The following FAM193A variants were observed in gnomAD, a reference collection of about 807,000 sequenced individuals.
The protein encoded by FAM193A is protein FAM193A.
In FAM193A, 22 loss-of-function variants were observed where a neutral mutation model predicts 126.5. The ratio of observed to expected loss-of-function variants is 0.17; its 90% confidence interval spans 0.12 to 0.25. The LOEUF is 0.25. Among genes scored for constraint, FAM193A ranks in the 10% least tolerant of loss-of-function variants. The pLI, the probability that FAM193A is intolerant of heterozygous loss-of-function variation, is 1.00. For synonymous variants in FAM193A, 761 were observed against 646.8 expected (o/e 1.18, Z -2.68); for missense variants, 1,675 against 1,672.8 (o/e 1.00, Z -0.02).
chr4:2,689,682 T>C lies in FAM193A; in HGVS notation c.2508T>C (p.Thr836=). The C allele has an allele frequency of 3.8e-6, 6 of 1,571,068 alleles. No individual in the cohort carries two copies. The African/African-American group carries it at 8.3e-5, about 22-fold the overall frequency. Reference sequence around the variant, plus strand: ...ATGATAAGAACTGGAATCCTGGCACTTTCTTGCCAGATACAATTTCTGGTA... The same window carrying C: ...ATGATAAGAACTGGAATCCTGGCACCTTCTTGCCAGATACAATTTCTGGTA... The part of the protein sequence containing the change: ...VMNDKNWNPG[T]FLPDTISGSE... Residue 836 remains threonine, a synonymous_variant, in exon 14 of 21, where the codon ACT becomes ACC. Transcript: ENST00000637812.
intron 4 of FAM193A, among the ~76,000 whole-genome samples, chr4:2,627,961 C>G (rs1387710504): frequency 1.3e-5 from 2 of 152,066 alleles, no homozygotes; most frequent in East Asian, 1.9e-4. Context: ...CCAGGATGGT[C>G]TTGATCTCCT....
At chr4:2,682,047 C>T (rs59080809) in intron 13 of FAM193A, among the ~76,000 whole-genome samples, 3,490 of 138,838 alleles carry the variant, frequency 0.025, 152 homozygotes, top group African/African-American at 0.089. Flanking sequence ...TGCAGTGATG[C>T]GATCTCGGCT....
intron 13 of FAM193A, among the ~76,000 whole-genome samples, chr4:2,674,251 G>A (rs542669836): frequency 2.2e-4 from 34 of 152,186 alleles, no homozygotes; most frequent in Non-Finnish European, 3.8e-4. Flanking sequence ...GGTCTTACAA[G>A]ATTAGTTTGT....
Position 2,679,375 on chromosome 4 carries a change from C to CTTTCT in FAM193A, c.2331+7006_2331+7007insCTTTT, listed in dbSNP as rs1233397336. ...GCGATACTCGTTTGTAGTTTTCTTT[C>CTTTCT]TTTTTTTTTTTTTTTTTTTTTTTTG... On this transcript the variant is annotated intron_variant, in intron 13 of 20. Coordinates refer to ENST00000637812, the MANE Select transcript of FAM193A (RefSeq NM_001366318.2). 5.0e-3 allele frequency among the ~76,000 whole-genome samples: 438 copies of CTTTCT among 87,906 alleles called. 5 individuals carry two copies. The highest frequency in any genetic ancestry group is 0.016 in the African/African-American group (415 of 25,610). 57.7% of individuals were successfully genotyped at this position (87,906 alleles called of 152,430 possible). A position where few individuals can be genotyped will look rare whatever the true frequency, so the allele number is the denominator to read the frequency against.
rs747638566 is a variant in FAM193A at position 2,693,716 on chromosome 4, A to C, written c.2934A>C (p.Ser978=). 1 of 1,613,914 alleles carries C rather than the reference A, an allele frequency of 6.2e-7. No homozygotes were observed. The highest frequency in any genetic ancestry group is 1.1e-5 in the South Asian group (1 of 91,068). The stretch of plus-strand genomic sequence containing the variant: ...CTGCGCTGTCACCTGCTGCGCTCTC[A>C]CCTGCCTCCACACCTCACCTTGCAA... ...SPAALSPAAL[S]PASTPHLANL... is the part of the protein sequence containing the mutation. Residue 978 remains serine, a synonymous_variant, in exon 16 of 21, where the codon TCA becomes TCC. Transcript: ENST00000637812.
At chr4:2,687,172 G>C (rs139419943) in intron 13 of FAM193A, among the ~76,000 whole-genome samples, 1 of 152,190 alleles carries the variant, frequency 6.6e-6, no homozygotes, top group African/African-American at 2.4e-5. Flanking sequence ...TCTCTGCTCC[G>C]AAGCACTGTG....
At position 2,700,323 on chromosome 4, in the gene FAM193A, C is replaced by A; in HGVS notation, c.4151C>A (p.Thr1384Lys). Residue 1384 changes from threonine to lysine, a missense_variant, in exon 19 of 21, where the codon ACA (threonine) becomes AAA (lysine). Thr to Lys is a moderately conservative substitution (Grantham distance 78). Transcript: ENST00000637812. ...KAKVVDLMSI[T>K]EQKREERKVN... ...AAGGTGGTCGACCTCATGTCCATCA[C>A]AGAGCAGAAAAGAGAGGAGAGAAAA... 6.2e-7 allele frequency: 1 copy of A among 1,614,018 alleles called. No individual in the cohort carries two copies. Among genetic ancestry groups the A allele is most frequent in the Non-Finnish European group, 8.5e-7 (1 of 1,180,010 alleles).
At chr4:2,595,675 A>G (rs2108906933) in intron 1 of FAM193A, among the ~76,000 whole-genome samples, 1 of 152,336 alleles carries the variant, frequency 6.6e-6, no homozygotes. Flanking sequence ...TTGCATCTGC[A>G]GACACACTTA....
At chr4:2,579,310 C>T (rs562342284) in intron 1 of FAM193A, among the ~76,000 whole-genome samples, 20 of 152,056 alleles carry the variant, frequency 1.3e-4, no homozygotes, top group African/African-American at 3.9e-4. Flanking sequence ...GCCTGGCCAA[C>T]ATGGTGAAAC....
chr4:2,550,427 C>G (rs552491972), intron 1 of FAM193A, among the ~76,000 whole-genome samples: 160 of 151,652 alleles, frequency 1.1e-3, no homozygotes, highest in Non-Finnish European at 2.0e-3. Context: ...CCCTCTTGGT[C>G]GTTTGTTTGT....
At chr4:2,720,617 C>T (rs540521328) in intron 20 of FAM193A, among the ~76,000 whole-genome samples, 43 of 150,296 alleles carry the variant, frequency 2.9e-4, no homozygotes, top group African/African-American at 1.0e-3. Context: ...CACCACTGTG[C>T]TCCAGCTTGG....
At chr4:2,579,275 A>C (rs980212169) in intron 1 of FAM193A, among the ~76,000 whole-genome samples, 1 of 152,006 alleles carries the variant, frequency 6.6e-6, no homozygotes, top group Non-Finnish European at 1.5e-5. Flanking sequence ...AGGGTGGATC[A>C]CTTGAGGTCA....
chr4:2,725,475 AAG>A (rs1720632647), intron 20 of FAM193A, among the ~76,000 whole-genome samples: 1 of 149,470 alleles, frequency 6.7e-6, no homozygotes, highest in South Asian at 2.1e-4. Flanking sequence ...AAAAAAAAAA[AAG>A]TAATCACACC....
intron 20 of FAM193A, among the ~76,000 whole-genome samples, chr4:2,729,197 A>G (rs977854013): frequency 6.6e-6 from 1 of 152,192 alleles, no homozygotes; most frequent in African/African-American, 2.4e-5. Context: ...GGGCTCAAGC[A>G]TGTGCACTAA....
chr4:2,613,294 CAA>C (rs1028692162), intron 2 of FAM193A, among the ~76,000 whole-genome samples: 4 of 151,382 alleles, frequency 2.6e-5, no homozygotes, highest in Non-Finnish European at 4.4e-5. Flanking sequence ...TACATTTTCC[CAA>C]AGTATTTTAT....
chr4:2,574,792 C>T (rs550263160), intron 1 of FAM193A, among the ~76,000 whole-genome samples: 3 of 152,178 alleles, frequency 2.0e-5, no homozygotes, highest in African/African-American at 7.2e-5. Flanking sequence ...TAAAAAGAAA[C>T]ATTTAAAAAT....
intron 1 of FAM193A, among the ~76,000 whole-genome samples, chr4:2,565,561 A>T (rs1738892620): frequency 6.6e-6 from 1 of 152,002 alleles, no homozygotes; most frequent in Admixed American, 6.6e-5. Flanking sequence ...CAGCCAGAGT[A>T]GCCACTTTGT....
rs2108907758 is a variant in FAM193A at position 2,596,160 on chromosome 4, A to T, written c.332A>T (p.Glu111Val). The change falls in exon 2 of 21, where the codon GAA becomes GTA. Residue 111 changes from glutamate (E) to valine (V), a missense_variant. By Grantham distance (121) the Glu-to-Val change is moderately radical. Coordinates refer to ENST00000637812, the MANE Select transcript of FAM193A (RefSeq NM_001366318.2). ...GATTATTGTCTTCTGTGCAGAAGTG[A>T]ACGGAAAGACTCATCATTCTTAGAG... ...AGDYCLLCRS[E>V]RKDSSFLESG... 1 of 702,854 alleles carries T rather than the reference A, an allele frequency of 1.4e-6. No individual in the cohort carries two copies. Among genetic ancestry groups the T allele is most frequent in the East Asian group, 2.7e-5 (1 of 37,308 alleles). 43.5% of individuals were successfully genotyped at this position (702,854 alleles called of 1,614,324 possible). A position where few individuals can be genotyped will look rare whatever the true frequency, so the allele number is the denominator to read the frequency against.
At position 2,660,994 on chromosome 4, in the gene FAM193A, C is replaced by G. The variant is rs182247206; in HGVS notation, c.1745+940C>G. ...TGACATTTTTGCAGCTGGCTGTTAT[C>G]CAACTTCTTACTGAAACATAAAAAT... On this transcript the variant is annotated intron_variant, in intron 10 of 20. Transcript: ENST00000637812. Among the ~76,000 whole-genome samples the G allele has an allele frequency of 3.3e-4, 50 of 152,292 alleles. No homozygotes were observed. The East Asian group carries it at 9.5e-3, about 29-fold the overall frequency.
Sources: gnomAD v4.1 joint callset for allele counts (sites outside exome capture counted in the v4.1 genomes callset) on GRCh38, gnomAD v4.1.1 for gene constraint, MANE v1.5 for transcripts, NCBI Gene and HGNC (gene_info 2026-07-23, HGNC 2026-07-21) for gene names.